The following PHLDB2 variants were observed in gnomAD, a reference collection of about 807,000 sequenced individuals.
The protein encoded by PHLDB2 is pleckstrin homology-like domain family B member 2.
In PHLDB2, 71 loss-of-function variants were observed where a neutral mutation model predicts 123.6. The observed-to-expected ratio is 0.57, with a 90% CI of 0.47 to 0.70. The LOEUF (loss-of-function observed/expected upper bound fraction) is 0.70. PHLDB2 is among the 30% of genes least tolerant of loss of function. PHLDB2 has a pLI of 0.00. For missense variants in PHLDB2, 1,446 were observed against 1,519.5 expected (o/e 0.95, Z 0.80); for synonymous variants, 547 against 541.6 (o/e 1.01, Z -0.14).
At chr3:111,825,494 C>A (rs2062610969) in intron 1 of PHLDB2, among the ~76,000 whole-genome samples, 2 of 152,242 alleles carry the variant, frequency 1.3e-5, no homozygotes, top group Admixed American at 1.3e-4. Context: ...GTTACCCAGG[C>A]TGGGGTGCAG....
In PHLDB2 at chr3:111,764,453, G is replaced by A. The variant is rs114213958; in HGVS notation, c.-49+31750G>A. Among the ~76,000 whole-genome samples the A allele has an allele frequency of 5.4e-3, 815 of 152,254 alleles. 5 individuals are homozygous for A. The highest frequency in any genetic ancestry group is 0.014 in the Middle Eastern group (4 of 294). ...CTGTCTCCTGTGTTAAACATGGATT[G>A]TTGTTAGGTTGATAAATTGCCTATC... On this transcript the variant is annotated intron_variant, in intron 1 of 17. Coordinates refer to the PHLDB2 transcript ENST00000393923.
At chr3:111,939,912 T>C (rs1226781909) in intron 7 of PHLDB2, among the ~76,000 whole-genome samples, 1 of 152,248 alleles carries the variant, frequency 6.6e-6, no homozygotes, top group Admixed American at 6.5e-5. Flanking sequence ...CTTTTTGCAA[T>C]CATAGTAACT....
chr3:111,885,585 T>A, intron 2 of PHLDB2, 173 bp downstream of exon 2: 1 of 890,406 alleles, frequency 1.1e-6, no homozygotes, highest in Non-Finnish European at 1.8e-6. Flanking sequence ...ATATCACTAT[T>A]AATAGGCTTG....
chr3:111,907,225 C>T (rs1005785208), intron 2 of PHLDB2, among the ~76,000 whole-genome samples: 3 of 152,094 alleles, frequency 2.0e-5, no homozygotes, highest in Non-Finnish European at 2.9e-5. Context: ...CCCTCAGATT[C>T]GATAATTCAC....
rs112480846 is a variant in PHLDB2, at chr3:111,805,560, C to CA, written c.-48-40252dup. On this transcript the variant is annotated intron_variant, in intron 1 of 17. Transcript: ENST00000393923. Reference sequence around the variant, plus strand: ...TGGGCGACAGAGCAACACTCCGTCTCAAAAAAAAAGAAAAAAAATTACTGG... The same window carrying CA: ...TGGGCGACAGAGCAACACTCCGTCTCAAAAAAAAAAGAAAAAAAATTACTGG... Among the ~76,000 whole-genome samples, 1,177 of 144,762 alleles carry CA rather than the reference C, an allele frequency of 8.1e-3. 87 individuals carry two copies. Among genetic ancestry groups the CA allele is most frequent in the African/African-American group, 0.028 (1,102 of 38,696 alleles). The allele number at this position is 144,762 out of a possible 152,430, so 95.0% of individuals were successfully genotyped here.
intron 2 of PHLDB2, among the ~76,000 whole-genome samples, chr3:111,851,414 A>G (rs2064250825): frequency 6.6e-6 from 1 of 152,102 alleles, no homozygotes; most frequent in South Asian, 2.1e-4. Flanking sequence ...TATTTCTGTG[A>G]GCATTTTAGG....
At chr3:111,939,911 A>G (rs976944621) in intron 7 of PHLDB2, among the ~76,000 whole-genome samples, 4 of 152,236 alleles carry the variant, frequency 2.6e-5, no homozygotes, top group Admixed American at 6.5e-5. Context: ...TCTTTTTGCA[A>G]TCATAGTAAC....
At chr3:111,925,057 G>A (rs889565397) in intron 5 of PHLDB2, among the ~76,000 whole-genome samples, 9 of 152,130 alleles carry the variant, frequency 5.9e-5, no homozygotes, top group Non-Finnish European at 5.9e-5. Flanking sequence ...TCGAATGCCT[G>A]ACCTCAGGTG....
At chr3:111,967,396 A>G (rs1420043919) in intron 14 of PHLDB2, among the ~76,000 whole-genome samples, 1 of 152,220 alleles carries the variant, frequency 6.6e-6, no homozygotes, top group Non-Finnish European at 1.5e-5. Flanking sequence ...TTGCTGGTTG[A>G]TATGAAATGA....
In PHLDB2 at chr3:111,765,077, A is replaced by G. The variant is rs547188784; in HGVS notation, c.-49+32374A>G. On this transcript the variant is annotated intron_variant, in intron 1 of 17. Transcript: ENST00000393923. Reference sequence around the variant, plus strand: ...CAGTTTGCCTTTGTTAATAGGGCCAAAAAAAGTCTGAGGCTTGGCTTCCAA... The same window carrying G: ...CAGTTTGCCTTTGTTAATAGGGCCAGAAAAAGTCTGAGGCTTGGCTTCCAA... 1.4e-4 allele frequency among the ~76,000 whole-genome samples: 22 copies of G among 152,320 alleles called. No homozygotes were observed. The South Asian group carries it at 4.6e-3, about 32-fold the overall frequency.
intron 5 of PHLDB2, among the ~76,000 whole-genome samples, chr3:111,922,250 C>A (rs1414635554): frequency 6.6e-6 from 1 of 152,154 alleles, no homozygotes; most frequent in African/African-American, 2.4e-5. Flanking sequence ...TATGGCATGG[C>A]CTGCAAATTC....
intron 1 of PHLDB2, among the ~76,000 whole-genome samples, chr3:111,845,033 AAC>A: frequency 6.6e-6 from 1 of 152,296 alleles, no homozygotes; most frequent in Non-Finnish European, 1.5e-5. Context: ...AGCTCTTGAG[AAC>A]AAGGACACTG....
chr3:111,954,301 G>A (rs1276723115), intron 12 of PHLDB2, among the ~76,000 whole-genome samples: 2 of 152,094 alleles, frequency 1.3e-5, no homozygotes, highest in Non-Finnish European at 1.5e-5. Flanking sequence ...CTTCCCATTC[G>A]ATTAATAGAA....
intron 2 of PHLDB2, among the ~76,000 whole-genome samples, chr3:111,854,076 C>T (rs1484474564): frequency 6.6e-6 from 1 of 152,144 alleles, no homozygotes. Context: ...AGGAAGCTTA[C>T]AATCATGGCA....
At chr3:111,831,539 A>C (rs563481689) in intron 1 of PHLDB2, among the ~76,000 whole-genome samples, 1 of 152,178 alleles carries the variant, frequency 6.6e-6, no homozygotes, top group South Asian at 2.1e-4. Context: ...TGGCTCTACA[A>C]CATACCACTA....
chr3:111,939,714 TC>T, intron 7 of PHLDB2, 84 bp downstream of exon 7: 1 of 1,360,708 alleles, frequency 7.3e-7, no homozygotes, highest in Non-Finnish European at 1.0e-6. Context: ...TGTCTGAATA[TC>T]ACATTTGACA....
Position 111,779,260 on chromosome 3 carries a change from AAC to A in PHLDB2, c.-49+46558_-49+46559del, listed in dbSNP as rs2060324371. Among the ~76,000 whole-genome samples, 3 of 84,790 alleles carry A rather than the reference AAC, an allele frequency of 3.5e-5. No homozygotes were observed. The East Asian group carries it at 6.7e-4, about 19-fold the overall frequency. The allele number at this position is 84,790 out of a possible 152,430, so 55.6% of individuals were successfully genotyped here. On this transcript the variant is annotated intron_variant, in intron 1 of 17. Transcript: ENST00000393923. ...AAATCTATATATTTTTTTCTTTTTC[AAC>A]TTTTATTATAGAATCTGGGGTACAT...
intron 1 of PHLDB2, among the ~76,000 whole-genome samples, chr3:111,813,813 G>A (rs1053992630): frequency 6.6e-6 from 1 of 152,162 alleles, no homozygotes; most frequent in Non-Finnish European, 1.5e-5. Context: ...CACTTAATTA[G>A]AGCAAACACA....
chr3:111,950,782 A>G (rs955240282), intron 10 of PHLDB2, among the ~76,000 whole-genome samples: 2 of 152,178 alleles, frequency 1.3e-5, no homozygotes, highest in African/African-American at 4.8e-5. Context: ...TTAAAGGACT[A>G]TATCTCTCAC....
Sources: allele counts gnomAD v4.1 joint callset (sites outside exome capture counted in the v4.1 genomes callset), GRCh38; gene constraint gnomAD v4.1.1; transcripts MANE v1.5; gene names NCBI Gene and HGNC (gene_info 2026-07-23, HGNC 2026-07-21).